The following TFDP2 variants were observed in gnomAD, a reference collection of about 807,000 sequenced individuals.
TFDP2 encodes transcription factor Dp-2 (E2F dimerization partner 2).
In TFDP2, 17 loss-of-function variants were observed where a neutral mutation model predicts 59.3. The observed-to-expected ratio is 0.29, with a 90% CI of 0.20 to 0.43. The LOEUF (loss-of-function observed/expected upper bound fraction) is 0.43, where lower values mean the gene tolerates loss of function less well. Ranked by LOEUF, TFDP2 falls within the 20% of genes least tolerant of loss-of-function variation. TFDP2 has a pLI of 1.00. For synonymous variants in TFDP2, 180 were observed against 194.7 expected (o/e 0.92, Z 0.63); for missense variants, 391 against 528.8 (o/e 0.74, Z 2.56).
intron 3 of TFDP2, among the ~76,000 whole-genome samples, chr3:142,089,921 A>G (rs1179143988): frequency 6.6e-6 from 1 of 152,164 alleles, no homozygotes; most frequent in Non-Finnish European, 1.5e-5. Flanking sequence ...TTAGAAAGGC[A>G]GAATTTTTTT....
chr3:142,145,306 A>C (rs1192762322), intron 1 of TFDP2: 1 of 152,196 alleles, frequency 6.6e-6, no homozygotes, highest in Non-Finnish European at 1.5e-5. Flanking sequence ...CCAGAAGACT[A>C]AAGACAGAAA....
chr3:142,139,838 A>G (rs2062872929), intron 1 of TFDP2, among the ~76,000 whole-genome samples: 1 of 152,066 alleles, frequency 6.6e-6, no homozygotes. Context: ...TCTGACAGTT[A>G]TGTATCTTGG....
chr3:142,110,743 G>A (rs1010638891), intron 1 of TFDP2, among the ~76,000 whole-genome samples: 3 of 151,920 alleles, frequency 2.0e-5, no homozygotes, highest in Admixed American at 6.6e-5. Context: ...CTTGAGCCTA[G>A]GAGTTTCACT....
chr3:142,018,051 T>C (rs549421108), intron 3 of TFDP2, among the ~76,000 whole-genome samples: 2 of 152,176 alleles, frequency 1.3e-5, no homozygotes, highest in Admixed American at 1.3e-4. Flanking sequence ...CAGGCGATTC[T>C]CCTGCCTCAG....
intron 4 of TFDP2, among the ~76,000 whole-genome samples, chr3:141,997,710 C>T (rs1213733864): frequency 6.6e-6 from 1 of 151,366 alleles, no homozygotes; most frequent in African/African-American, 2.4e-5. Flanking sequence ...ATTAGCTGGG[C>T]GTGGGGGTGG....
intron 1 of TFDP2, 40 bp downstream of exon 1, chr3:142,149,142 GC>G: frequency 5.0e-6 from 2 of 397,888 alleles, no homozygotes; most frequent in Non-Finnish European, 8.9e-6. Context: ...GGGTCCAAAG[GC>G]CCTCCGCGCG....
intron 10 of TFDP2, among the ~76,000 whole-genome samples, chr3:141,962,760 G>A (rs980372261): frequency 1.3e-5 from 2 of 152,216 alleles, no homozygotes; most frequent in African/African-American, 4.8e-5. Flanking sequence ...AAGAAGAGTG[G>A]GAAAACAAGT....
At chr3:142,060,341 T>G (rs2059877726) in intron 3 of TFDP2, among the ~76,000 whole-genome samples, 1 of 152,180 alleles carries the variant, frequency 6.6e-6, no homozygotes, top group Non-Finnish European at 1.5e-5. Flanking sequence ...TCTTAAGTAC[T>G]CTTTTTAAAA....
chr3:142,017,959 T>G (rs1433276022), intron 3 of TFDP2, among the ~76,000 whole-genome samples: 1 of 151,926 alleles, frequency 6.6e-6, no homozygotes, highest in Non-Finnish European at 1.5e-5. Flanking sequence ...TATTTATTTA[T>G]GAGATGGAGT....
At position 141,973,921 on chromosome 3, in the gene TFDP2, G is replaced by A. The variant is rs953380670; in HGVS notation, c.663+127C>T. The A allele has an allele frequency of 2.7e-5, 30 of 1,115,416 alleles. No homozygotes were observed. The African/African-American group carries it at 4.7e-4, about 17-fold the overall frequency. The allele number at this position is 1,115,416 out of a possible 1,614,324, so 69.1% of individuals were successfully genotyped here. The stretch of plus-strand genomic sequence containing the variant: ...TTCCAATTCTAAAATTCTACAGTCT[G>A]TTAAAAAATGACATGGTATACATGA... On this transcript the variant is annotated intron_variant, in intron 8 of 12. Coordinates refer to ENST00000489671, the MANE Select transcript of TFDP2 (RefSeq NM_001178139.2).
intron 1 of TFDP2, among the ~76,000 whole-genome samples, chr3:142,135,571 A>G (rs2062694826): frequency 6.6e-6 from 1 of 151,922 alleles, no homozygotes; most frequent in African/African-American, 2.4e-5. Context: ...CCACCCCATG[A>G]CAGGCCCTGG....
chr3:142,081,603 G>A (rs2060640798), intron 3 of TFDP2, among the ~76,000 whole-genome samples: 1 of 152,066 alleles, frequency 6.6e-6, no homozygotes, highest in South Asian at 2.1e-4. Context: ...AAGAAAAAAA[G>A]AGAGAAGACC....
Position 141,951,133 on chromosome 3 carries a change from G to A in TFDP2, c.*1380C>T, listed in dbSNP as rs185040544. The A allele has an allele frequency of 6.6e-6, 1 of 152,194 alleles. No homozygotes were observed. The highest frequency in any genetic ancestry group is 6.5e-5 in the Admixed American group (1 of 15,290). 9.4% of individuals were successfully genotyped at this position (152,194 alleles called of 1,614,324 possible). On this transcript the variant is annotated 3_prime_UTR_variant, in exon 13 of 13. Transcript: ENST00000489671. ...TGCTTGGTGCATCTAGCATAATCTT[G>A]GGACAAATCCACATGATTCAGGTCA...
In TFDP2 at chr3:141,952,459, A is replaced by T. The variant is rs555690913; in HGVS notation, c.*54T>A. The stretch of plus-strand genomic sequence containing the variant: ...GCAATCATTTCAAAAACAAGAGCTC[A>T]CACTACAAACACACATGAGCATCAC... On this transcript the variant is annotated 3_prime_UTR_variant, in exon 13 of 13. Transcript: ENST00000489671. 1.4e-6 allele frequency: 2 copies of T among 1,448,814 alleles called. No homozygotes were observed. The highest frequency in any genetic ancestry group is 5.5e-5 in the Admixed American group (2 of 36,166). The allele number at this position is 1,448,814 out of a possible 1,614,324, so 89.7% of individuals were successfully genotyped here.
chr3:141,973,983 A>T, intron 8 of TFDP2, 65 bp downstream of exon 8: 1 of 1,501,986 alleles, frequency 6.7e-7, no homozygotes, highest in Non-Finnish European at 9.0e-7. Context: ...TTACATTTTT[A>T]AATTAAAATG....
At chr3:141,956,197 A>C (rs1244900033) in intron 11 of TFDP2, among the ~76,000 whole-genome samples, 3 of 152,224 alleles carry the variant, frequency 2.0e-5, no homozygotes, top group African/African-American at 4.8e-5. Context: ...AAAAATCTTA[A>C]TTATAGGACA....
At chr3:142,043,665 C>T in intron 3 of TFDP2, 1 of 999,226 alleles carries the variant, frequency 1.0e-6, no homozygotes, top group Admixed American at 1.7e-5. Context: ...TCTTGATGAT[C>T]TCCTCCTTCT....
intron 1 of TFDP2, among the ~76,000 whole-genome samples, chr3:142,136,509 GA>G (rs2062744441): frequency 6.6e-6 from 1 of 152,034 alleles, no homozygotes; most frequent in South Asian, 2.1e-4. Flanking sequence ...CCTATGTCCT[GA>G]ATGGTACTGC....
At chr3:141,999,004 T>C (rs1943534078) in intron 4 of TFDP2, among the ~76,000 whole-genome samples, 1 of 152,210 alleles carries the variant, frequency 6.6e-6, no homozygotes, top group Non-Finnish European at 1.5e-5. Flanking sequence ...CATGCAGTTT[T>C]TACTCTTCTA....
Sources: allele counts gnomAD v4.1 joint callset (sites outside exome capture counted in the v4.1 genomes callset), GRCh38; gene constraint gnomAD v4.1.1; transcripts MANE v1.5; gene names NCBI Gene and HGNC (gene_info 2026-07-23, HGNC 2026-07-21).